Variants in EFS observed in about 807,000 individuals in gnomAD.
EFS encodes the protein embryonal Fyn-associated substrate.
In EFS, 34 loss-of-function variants were observed where a neutral mutation model predicts 42.2. That is an observed-to-expected ratio of 0.81 (90% confidence interval 0.61 to 1.07). The LOEUF (loss-of-function observed/expected upper bound fraction) is 1.07. Ranked by LOEUF, EFS falls within the 50% of genes least tolerant of loss-of-function variation. The probability of loss-of-function intolerance (pLI) is 0.00; values close to 1 mark genes in which losing one functional copy is unlikely to be tolerated. For missense variants in EFS, 717 were observed against 729.4 expected (o/e 0.98, Z 0.20); for synonymous variants, 299 against 320.7 (o/e 0.93, Z 0.72).
At chr14:23,363,311 T>C (rs1369820620) in intron 1 of EFS, among the ~76,000 whole-genome samples, 4 of 152,154 alleles carry the variant, frequency 2.6e-5, no homozygotes, top group African/African-American at 9.7e-5. Context: ...GCATATCCAT[T>C]TTCAGATAAT....
At chr14:23,361,076 C>T (rs1163843116) in intron 1 of EFS, among the ~76,000 whole-genome samples, 5 of 152,172 alleles carry the variant, frequency 3.3e-5, no homozygotes, top group South Asian at 2.1e-4. Context: ...CTCTTCTCCC[C>T]GCCCCATTCT....
Position 23,358,895 on chromosome 14 carries a change from C to G in EFS, c.1232G>C (p.Arg411Thr), listed in dbSNP as rs1233681806. The G allele has an allele frequency of 6.2e-7, 1 of 1,612,800 alleles. No individual in the cohort carries two copies. The highest frequency in any genetic ancestry group is 1.3e-5 in the African/African-American group (1 of 74,998). ...ACTGDPELPE[R>T]GMPAPQEALS... ...GGTCACCTGCGGCGCCGGCATCCCC[C>G]TCTCGGGCAGTTCAGGATCCCCTGT... The change falls in exon 5 of 6, where the codon AGG (arginine) becomes ACG (threonine). Residue 411 changes from arginine (R) to threonine (T), a missense_variant. By Grantham distance (71) the Arg-to-Thr change is moderately conservative. Coordinates refer to ENST00000216733, the MANE Select transcript of EFS (RefSeq NM_005864.4).
Position 23,357,618 on chromosome 14 carries a change from C to T in EFS, c.1294G>A (p.Asp432Asn). 1 of 1,560,892 alleles carries T rather than the reference C, an allele frequency of 6.4e-7. No individual in the cohort carries two copies. Among genetic ancestry groups the T allele is most frequent in the East Asian group, 2.3e-5 (1 of 43,872 alleles). Residue 432 changes from aspartate to asparagine, a missense_variant, in exon 6 of 6, where the codon GAT becomes AAT. Coordinates refer to ENST00000216733, the MANE Select transcript of EFS (RefSeq NM_005864.4). ...PGEPLVVSTG[D>N]LQLLYFYAGQ... ...GCATAGAAGTACAGGAGCTGCAGAT[C>T]TCCGGTGGACACAACCAGTGGCTCC...
intron 4 of EFS, 97 bp downstream of exon 4, chr14:23,359,220 G>C (rs1469732980): frequency 6.4e-7 from 1 of 1,559,236 alleles, no homozygotes; most frequent in East Asian, 2.2e-5. Flanking sequence ...GGACAGAAGG[G>C]AGGCAGGGAG....
rs753457319 is a variant in EFS, at chr14:23,365,042, G to A, written c.-17C>T. ...AATGGCCATGGCTTTGGCCTCCCGC[G>A]CAGCCTGCCTCAGGCCAGGCTCGGT... is the stretch of plus-strand genomic sequence containing the variant. On this transcript the variant is annotated 5_prime_UTR_variant, in exon 1 of 6. Transcript: ENST00000216733. The surrounding 1 kb of genome is among the most constrained non-coding windows in gnomAD (Gnocchi z 5.3). 5 of 1,322,068 alleles carry A rather than the reference G, an allele frequency of 3.8e-6. No homozygotes were observed. Among genetic ancestry groups the A allele is most frequent in the East Asian group, 5.8e-5 (2 of 34,524 alleles). 81.9% of individuals were successfully genotyped at this position (1,322,068 alleles called of 1,614,324 possible).
At chr14:23,360,435 A>G in intron 2 of EFS, 120 bp downstream of exon 2, 1 of 1,487,662 alleles carries the variant, frequency 6.7e-7, no homozygotes, top group Non-Finnish European at 9.0e-7. Context: ...TCCAGCGCAG[A>G]GCAGTGAAGA....
intron 1 of EFS, among the ~76,000 whole-genome samples, chr14:23,363,309 A>G (rs1034176220): frequency 2.0e-5 from 3 of 152,086 alleles, no homozygotes; most frequent in Non-Finnish European, 4.4e-5. Flanking sequence ...GCGCATATCC[A>G]TTTTCAGATA....
Position 23,359,330 on chromosome 14 carries a change from T to C in EFS, c.1148A>G (p.Tyr383Cys). The C allele has an allele frequency of 6.2e-7, 1 of 1,613,070 alleles. No individual in the cohort carries two copies. Among genetic ancestry groups the C allele is most frequent in the East Asian group, 2.2e-5 (1 of 44,868 alleles). ...EGIPMAEEYDYVHLKGMDKAQ... is the reference protein window; with the variant it reads ...EGIPMAEEYDCVHLKGMDKAQ... ...AGGGGCGCTCACCTTCAGGTGGACA[T>C]AGTCATACTCCTCGGCCATCGGAAT... Residue 383 changes from tyrosine (Y) to cysteine (C), a missense_variant, in exon 4 of 6, where the codon TAT (tyrosine) becomes TGT (cysteine). Physicochemically the swap from Tyr to Cys is radical, Grantham distance 194 (BLOSUM62 -2). Coordinates refer to ENST00000216733, the MANE Select transcript of EFS (RefSeq NM_005864.4).
chr14:23,360,213 G>T lies in EFS; in HGVS notation c.366C>A (p.Pro122=). ...TSGPPAGPCP[P]SPDLIYKIPR... ...GGATTTTGTAGATGAGGTCAGGAGA[G>T]GGTGGGCAAGGTCCAGCTGGAGGTC... Residue 122 remains proline (P), a synonymous_variant, in exon 3 of 6, where the codon CCC becomes CCA. Transcript: ENST00000216733. 6.2e-7 allele frequency: 1 copy of T among 1,614,106 alleles called. No individual in the cohort carries two copies. Among genetic ancestry groups the T allele is most frequent in the Non-Finnish European group, 8.5e-7 (1 of 1,180,004 alleles).
intron 1 of EFS, 119 bp from the exon 2 acceptor site, chr14:23,360,952 G>A (rs918079992): frequency 1.9e-6 from 2 of 1,073,828 alleles, no homozygotes; most frequent in African/African-American, 1.7e-5. Flanking sequence ...CTGAACTCTG[G>A]ATGCAGCTTT....
intron 1 of EFS, among the ~76,000 whole-genome samples, chr14:23,361,902 T>G (rs1890166719): frequency 2.0e-5 from 3 of 152,242 alleles, no homozygotes; most frequent in Admixed American, 2.0e-4. Context: ...CTTTGTCTGA[T>G]GCCATATCGC....
chr14:23,361,259 G>A (rs1890145578), intron 1 of EFS, among the ~76,000 whole-genome samples: 1 of 152,186 alleles, frequency 6.6e-6, no homozygotes, highest in Non-Finnish European at 1.5e-5. Context: ...CATGTTGAAT[G>A]AATGTCTTCC....
In EFS at chr14:23,360,753, C is replaced by T. The variant is rs1890124291; in HGVS notation, c.99G>A (p.Arg33=). The T allele has an allele frequency of 6.2e-7, 1 of 1,613,970 alleles. No individual in the cohort carries two copies. The highest frequency in any genetic ancestry group is 8.5e-7 in the Non-Finnish European group (1 of 1,179,962). ...CACCAGCGCCCTCTCTCTGCAGGACCCGTAGGACATCCCCTCGGCGGAAGG... is the reference window on the plus strand; with the variant it reads ...CACCAGCGCCCTCTCTCTGCAGGACTCGTAGGACATCCCCTCGGCGGAAGG... ...ELSFRRGDVL[R]VLQREGAGGL... Residue 33 remains arginine, a synonymous_variant, in exon 2 of 6, where the codon CGG becomes CGA. Transcript: ENST00000216733.
chr14:23,360,583 G>C lies in EFS; in HGVS notation c.269C>G (p.Ala90Gly). ...CTGGTCCTCATTGCTGTGATCTGGG[G>C]CTGGATATGGTGAGCCAGGCTGGGC... is the stretch of plus-strand genomic sequence containing the variant. The part of the protein sequence containing the change: ...SPAQPGSPYP[A>G]PDHSNEDQEV... Residue 90 changes from alanine (A) to glycine (G), a missense_variant, in exon 2 of 6, where the codon GCC becomes GGC. Ala to Gly is a moderately conservative substitution (Grantham distance 60). Transcript: ENST00000216733. 1 of 1,566,354 alleles carries C rather than the reference G, an allele frequency of 6.4e-7. No individual in the cohort carries two copies. Among genetic ancestry groups the C allele is most frequent in the Non-Finnish European group, 8.7e-7 (1 of 1,154,820 alleles).
rs1890077146 is a variant in EFS, at chr14:23,359,916, A to G, written c.562T>C (p.Tyr188His). The change falls in exon 4 of 6, where the codon TAT becomes CAT. Residue 188 changes from tyrosine (Y) to histidine (H), a missense_variant. Transcript: ENST00000216733. ...PQPPGEDDAP[Y>H]DVPLTPKPPA... ...GGCTTTGGGGTCAGAGGCACATCAT[A>G]GGGAGCATCATCCTCTCCAGGGGGC... is the stretch of plus-strand genomic sequence containing the variant. 2 of 1,546,568 alleles carry G rather than the reference A, an allele frequency of 1.3e-6. No individual in the cohort carries two copies. Among genetic ancestry groups the G allele is most frequent in the African/African-American group, 1.4e-5 (1 of 72,774 alleles).
Position 23,357,511 on chromosome 14 carries a change from CG to C in EFS, c.1400del (p.Pro467ArgfsTer34). The stretch of plus-strand genomic sequence containing the variant: ...TCTTGCTGTGGGGCACGAAAAGGCG[CG>C]GGGGCTGATTAGCCTGGGTACTGGA... ...LMSSTQANQPPRLFVPHSKRV... is the reference protein window; with the variant it reads ...LMSSTQANQPXRLFVPHSKRV... On this transcript the variant is annotated frameshift_variant, in exon 6 of 6. Coordinates refer to ENST00000216733, the MANE Select transcript of EFS (RefSeq NM_005864.4). LOFTEE classifies it high-confidence loss of function. 1.9e-6 allele frequency: 3 copies of C among 1,613,868 alleles called. No individual in the cohort carries two copies. The highest frequency in any genetic ancestry group is 2.5e-6 in the Non-Finnish European group (3 of 1,179,936).
rs755528644 is a variant in EFS, at chr14:23,357,286, T to C, written c.1626A>G (p.Val542=). The stretch of plus-strand genomic sequence containing the variant: ...GCAGGGCCTGCCCTGCCAGTTCTGT[T>C]ACACACTGCACCATCTCTTGGATGG... ...SPAIQEMVQC[V]TELAGQALQF... is the part of the protein sequence containing the mutation. Residue 542 remains valine (V), a synonymous_variant, in exon 6 of 6, where the codon GTA becomes GTG. Transcript: ENST00000216733. 1.2e-6 allele frequency: 2 copies of C among 1,602,220 alleles called. No individual in the cohort carries two copies. Among genetic ancestry groups the C allele is most frequent in the African/African-American group, 2.7e-5 (2 of 74,758 alleles).
At chr14:23,359,279 TGG>T in intron 4 of EFS, 36 bp downstream of exon 4, 1 of 1,611,558 alleles carries the variant, frequency 6.2e-7, no homozygotes, top group Non-Finnish European at 8.5e-7. Context: ...TTGGTCCCTC[TGG>T]GGTCCCTCCT....
At position 23,360,135 on chromosome 14, in the gene EFS, C is replaced by G. The variant is rs933007397; in HGVS notation, c.438+6G>C. On this transcript the variant is annotated splice_donor_region_variant and intron_variant, in intron 3 of 5. Transcript: ENST00000216733. ...CCCAACATACACAGGGACCTCTAGCCCTCACCTCCAAGGCATCTCTGGGAG... is the reference window on the plus strand; with the variant it reads ...CCCAACATACACAGGGACCTCTAGCGCTCACCTCCAAGGCATCTCTGGGAG... The G allele has an allele frequency of 6.2e-7, 1 of 1,614,188 alleles. No individual in the cohort carries two copies. Among genetic ancestry groups the G allele is most frequent in the Non-Finnish European group, 8.5e-7 (1 of 1,180,034 alleles).
Sources: gnomAD v4.1 joint callset for allele counts (sites outside exome capture counted in the v4.1 genomes callset) on GRCh38, gnomAD v4.1.1 for gene constraint, Gnocchi (gnomAD v3.1) non-coding constraint, MANE v1.5 for transcripts, NCBI Gene and HGNC (gene_info 2026-07-23, HGNC 2026-07-21) for gene names.